MAGI2: variants seen among roughly 807,000 people sequenced by gnomAD.
MAGI2 encodes membrane associated guanylate kinase, WW and PDZ domain containing 2.
A neutral mutation model predicts 133.3 loss-of-function variants in MAGI2; 35 were observed. That is an observed-to-expected ratio of 0.26 (90% CI 0.20 to 0.35). The LOEUF (loss-of-function observed/expected upper bound fraction) is 0.35, where lower values mean the gene tolerates loss of function less well. MAGI2 is among the 10% of genes least tolerant of loss of function. The pLI, the probability that MAGI2 is intolerant of heterozygous loss-of-function variation, is 1.00. For missense variants in MAGI2, 1,636 were observed against 1,863.4 expected (o/e 0.88, Z 2.25); for synonymous variants, 729 against 710.6 (o/e 1.03, Z -0.41).
chr7:78,665,527 G>C (rs112125373), intron 2 of MAGI2, among the ~76,000 whole-genome samples: 1 of 152,068 alleles, frequency 6.6e-6, no homozygotes, highest in Non-Finnish European at 1.5e-5. Context: ...GTGGTCCAAG[G>C]CTTTAATTTC....
rs565654019 is a variant in MAGI2 at position 79,296,334 on chromosome 7, T to C, written c.301+156686A>G. ...ATGATCTGTCAATCCCACTACTGGG[T>C]ATATATCTGAAAGAAATGAAATCAG... On this transcript the variant is annotated intron_variant, in intron 1 of 21. Transcript: ENST00000354212. 4.6e-5 allele frequency among the ~76,000 whole-genome samples: 7 copies of C among 152,332 alleles called. No homozygotes were observed. In the South Asian group the frequency reaches 1.2e-3, roughly 27 times the overall value.
At chr7:79,338,065 T>G (rs1840571664) in intron 1 of MAGI2, among the ~76,000 whole-genome samples, 1 of 151,852 alleles carries the variant, frequency 6.6e-6, no homozygotes, top group African/African-American at 2.4e-5. Context: ...CTCAAAATGT[T>G]AGTCGCTTTA....
intron 9 of MAGI2, among the ~76,000 whole-genome samples, chr7:78,287,480 A>T (rs1017536387): frequency 1.3e-5 from 2 of 152,178 alleles, no homozygotes; most frequent in African/African-American, 2.4e-5. Context: ...AAGGAGGTGG[A>T]ACAGACAATC....
chr7:78,152,559 A>G (rs1456629730), intron 16 of MAGI2, among the ~76,000 whole-genome samples: 1 of 152,226 alleles, frequency 6.6e-6, no homozygotes, highest in Admixed American at 6.5e-5. Flanking sequence ...ATGGAACAGA[A>G]ATTAAGTCAC....
intron 9 of MAGI2, among the ~76,000 whole-genome samples, chr7:78,311,078 A>T (rs1478064801): frequency 6.6e-6 from 1 of 152,236 alleles, no homozygotes; most frequent in Non-Finnish European, 1.5e-5. Context: ...CTCAACTAGT[A>T]TATCAAATTT....
intron 2 of MAGI2, among the ~76,000 whole-genome samples, chr7:78,997,202 A>T (rs1426061033): frequency 6.6e-6 from 1 of 152,200 alleles, no homozygotes; most frequent in African/African-American, 2.4e-5. Flanking sequence ...CCGATTTTGC[A>T]TGCAGAAAAA....
chr7:78,083,348 GA>G, intron 20 of MAGI2, among the ~76,000 whole-genome samples: 1 of 81,486 alleles, frequency 1.2e-5, no homozygotes, highest in Non-Finnish European at 2.5e-5. Context: ...GGGAGAGGGA[GA>G]AGGAGATGGT....
intron 1 of MAGI2, among the ~76,000 whole-genome samples, chr7:79,297,782 A>G (rs1209336313): frequency 6.6e-6 from 1 of 152,200 alleles, no homozygotes; most frequent in African/African-American, 2.4e-5. Context: ...AGCAATATTT[A>G]TTGCCTGAGG....
intron 1 of MAGI2, among the ~76,000 whole-genome samples, chr7:79,035,447 C>T (rs1811040704): frequency 6.6e-6 from 1 of 152,170 alleles, no homozygotes; most frequent in African/African-American, 2.4e-5. Flanking sequence ...GTCACATAAA[C>T]ATCTGCAACA....
intron 1 of MAGI2, among the ~76,000 whole-genome samples, chr7:79,148,684 A>G (rs1822883976): frequency 6.6e-6 from 1 of 151,844 alleles, no homozygotes; most frequent in Non-Finnish European, 1.5e-5. Flanking sequence ...CAGGCTCTCT[A>G]TGATACCAGG....
At chr7:79,397,043 T>C (rs57763664) in intron 1 of MAGI2, among the ~76,000 whole-genome samples, 22,618 of 151,698 alleles carry the variant, frequency 0.15, 1,875 homozygotes, top group East Asian at 0.29. Context: ...ACTTTTCCAA[T>C]AATGTTTTCC....
intron 1 of MAGI2, among the ~76,000 whole-genome samples, chr7:79,452,448 C>G (rs995412377): frequency 1.3e-5 from 2 of 152,104 alleles, no homozygotes; most frequent in Admixed American, 1.3e-4. Context: ...GTCAAAGCGC[C>G]CAAAGCAATT....
At chr7:78,548,929 A>G (rs1435421646) in intron 3 of MAGI2, among the ~76,000 whole-genome samples, 1 of 152,236 alleles carries the variant, frequency 6.6e-6, no homozygotes, top group Non-Finnish European at 1.5e-5. Context: ...AGATTGCTTT[A>G]AAAAGCATAC....
At chr7:79,105,897 A>G (rs1818413553) in intron 1 of MAGI2, among the ~76,000 whole-genome samples, 2 of 152,128 alleles carry the variant, frequency 1.3e-5, no homozygotes, top group East Asian at 3.9e-4. Flanking sequence ...TGGCTTAAAC[A>G]CATTAATAAA....
intron 6 of MAGI2, among the ~76,000 whole-genome samples, chr7:78,395,706 C>CT (rs1796286090): frequency 6.6e-6 from 1 of 152,088 alleles, no homozygotes; most frequent in Non-Finnish European, 1.5e-5. Context: ...CGGTGCTACT[C>CT]TTTTTTCTAT....
chr7:78,636,134 C>T (rs1809614813), intron 2 of MAGI2, among the ~76,000 whole-genome samples: 1 of 152,062 alleles, frequency 6.6e-6, no homozygotes, highest in African/African-American at 2.4e-5. Context: ...TTAATAGCCT[C>T]AATAAAACAC....
At chr7:78,955,727 T>C (rs1039949849) in intron 2 of MAGI2, among the ~76,000 whole-genome samples, 1 of 25,398 alleles carries the variant, frequency 3.9e-5, no homozygotes, top group Non-Finnish European at 1.0e-4. Flanking sequence ...TTCTTTCTCT[T>C]TCTTTCTTTC....
At chr7:78,561,604 T>C (rs903845309) in intron 3 of MAGI2, among the ~76,000 whole-genome samples, 6 of 152,154 alleles carry the variant, frequency 3.9e-5, no homozygotes, top group African/African-American at 1.4e-4. Context: ...GACTAATGCC[T>C]AGAAGAAGTG....
intron 4 of MAGI2, among the ~76,000 whole-genome samples, chr7:78,515,899 CA>C (rs896231637): frequency 9.0e-5 from 13 of 145,070 alleles, no homozygotes; most frequent in East Asian, 2.0e-4. Flanking sequence ...AACTCTATCT[CA>C]AAAAAAAAAG....
Sources: allele counts gnomAD v4.1 joint callset (sites outside exome capture counted in the v4.1 genomes callset), GRCh38; gene constraint gnomAD v4.1.1; transcripts MANE v1.5; gene names NCBI Gene and HGNC (gene_info 2026-07-23, HGNC 2026-07-21).